The following DLG2 variants were observed in gnomAD, a reference collection of about 807,000 sequenced individuals.
DLG2 encodes discs large MAGUK scaffold protein 2.
DLG2 carries 45 observed loss-of-function variants against 132.5 expected under a neutral mutation model. The ratio of observed to expected loss-of-function variants is 0.34; its 90% CI spans 0.27 to 0.44. The LOEUF (loss-of-function observed/expected upper bound fraction) is 0.44, where lower values mean the gene tolerates loss of function less well. Ranked by LOEUF, DLG2 falls within the 20% of genes least tolerant of loss-of-function variation. The pLI, the probability that DLG2 is intolerant of heterozygous loss-of-function variation, is 1.00. For missense variants in DLG2, 1,045 were observed against 1,196.9 expected, an observed-to-expected ratio of 0.87 and a Z score of 1.87; for synonymous variants, 424 against 419.6, an observed-to-expected ratio of 1.01 and a Z score of -0.13.
At position 83,682,374 on chromosome 11, in the gene DLG2, A is replaced by G. The variant is rs898860301; in HGVS notation, c.1826-49049T>C. 2.7e-5 allele frequency: 27 copies of G among 985,282 alleles called. No individual in the cohort carries two copies. The South Asian group carries it at 1.2e-3, about 45-fold the overall frequency. 61.0% of individuals were successfully genotyped at this position (985,282 alleles called of 1,614,324 possible). A position where few individuals can be genotyped will look rare whatever the true frequency, so the allele number is the denominator to read the frequency against. ...ACATCACAGGGGGTGACCATGCAGC[A>G]TTCTCGCTCACTGGGTACATATATT... On this transcript the variant is annotated intron_variant, in intron 18 of 27. Coordinates refer to ENST00000376104, the MANE Select transcript of DLG2 (RefSeq NM_001142699.3).
intron 11 of DLG2, among the ~76,000 whole-genome samples, chr11:84,003,999 A>G (rs2094467217): frequency 6.6e-6 from 1 of 152,082 alleles, no homozygotes; most frequent in African/African-American, 2.4e-5. Flanking sequence ...TTCACTGCTG[A>G]ATTCCACCAC....
At chr11:83,850,867 T>C (rs1210919680) in intron 16 of DLG2, among the ~76,000 whole-genome samples, 2 of 152,164 alleles carry the variant, frequency 1.3e-5, no homozygotes, top group African/African-American at 4.8e-5. Flanking sequence ...TGTTGAATTT[T>C]GTGTCTCCAA....
chr11:85,599,272 G>A (rs547361), intron 2 of DLG2, among the ~76,000 whole-genome samples: 150,286 of 152,166 alleles, frequency 0.99, 74,324 homozygotes, highest in Middle Eastern at 1. Flanking sequence ...TCCTCTACAC[G>A]CATGCATGCG....
rs1299753951 is a variant in DLG2, at chr11:84,373,270, C to CAAAAAAAAAAAAAACA, written c.520-121980_520-121979insTGTTTTTTTTTTTTTT. 3.8e-4 allele frequency among the ~76,000 whole-genome samples: 17 copies of CAAAAAAAAAAAAAACA among 45,170 alleles called. 1 individual carries two copies. The highest frequency in any genetic ancestry group is 1.5e-3 in the African/African-American group (17 of 11,262). 29.6% of individuals were successfully genotyped at this position (45,170 alleles called of 152,430 possible). A position where few individuals can be genotyped will look rare whatever the true frequency, so the allele number is the denominator to read the frequency against. On this transcript the variant is annotated intron_variant, in intron 7 of 27. Transcript: ENST00000376104. ...CAGTCAAAAAAAAAAAAAAACAAAA[C>CAAAAAAAAAAAAAACA]AAAAAAAAAACCCACCAGGCCCGGC...
At chr11:85,610,944 G>A (rs1162535972) in intron 2 of DLG2, among the ~76,000 whole-genome samples, 1 of 152,158 alleles carries the variant, frequency 6.6e-6, no homozygotes, top group Non-Finnish European at 1.5e-5. Context: ...TCTAATCAAG[G>A]AGCCCCAGAG....
At chr11:85,370,330 T>G (rs1241427879) in intron 3 of DLG2, among the ~76,000 whole-genome samples, 1 of 152,338 alleles carries the variant, frequency 6.6e-6, no homozygotes, top group Non-Finnish European at 1.5e-5. Context: ...TGTAAACTTT[T>G]GCCTAGAGTT....
chr11:84,345,187 A>T (rs541516016), intron 7 of DLG2, among the ~76,000 whole-genome samples: 2 of 152,226 alleles, frequency 1.3e-5, no homozygotes, highest in Non-Finnish European at 2.9e-5. Flanking sequence ...CCCATAGATC[A>T]TCTTTCCAAA....
intron 10 of DLG2, among the ~76,000 whole-genome samples, chr11:84,073,879 G>A (rs1457444131): frequency 6.6e-6 from 1 of 152,114 alleles, no homozygotes; most frequent in African/African-American, 2.4e-5. Flanking sequence ...CAGGAAGTGT[G>A]GAGCATCTTA....
intron 7 of DLG2, among the ~76,000 whole-genome samples, chr11:84,318,840 T>C (rs905918050): frequency 6.6e-6 from 1 of 152,150 alleles, no homozygotes; most frequent in African/African-American, 2.4e-5. Context: ...TAAGCACCTT[T>C]CACACCGTCC....
At chr11:84,583,801 A>G (rs75473934) in intron 6 of DLG2, among the ~76,000 whole-genome samples, 9,357 of 152,138 alleles carry the variant, frequency 0.062, 397 homozygotes, top group African/African-American at 0.11. Context: ...TGACCTTCAT[A>G]AAAGTGTTAT....
intron 15 of DLG2, among the ~76,000 whole-genome samples, chr11:83,899,285 G>C (rs1008791697): frequency 6.6e-6 from 1 of 150,876 alleles, no homozygotes; most frequent in African/African-American, 2.5e-5. Flanking sequence ...TACTGCACTT[G>C]GATCTCTGTC....
chr11:84,050,056 A>G (rs1440126643), intron 11 of DLG2, among the ~76,000 whole-genome samples: 1 of 151,810 alleles, frequency 6.6e-6, no homozygotes, highest in Non-Finnish European at 1.5e-5. Context: ...TGGGACAATG[A>G]AGAAGAGAAG....
At chr11:84,434,918 G>GAAAAA (rs770101910) in intron 7 of DLG2, among the ~76,000 whole-genome samples, 64 of 79,018 alleles carry the variant, frequency 8.1e-4, no homozygotes, top group East Asian at 1.7e-3. Context: ...GTCACCTACT[G>GAAAAA]AAAAAAAAAA....
chr11:84,848,956 C>T (rs1241391318), intron 6 of DLG2, among the ~76,000 whole-genome samples: 2 of 152,174 alleles, frequency 1.3e-5, no homozygotes, highest in East Asian at 1.9e-4. Flanking sequence ...TAATACAGTG[C>T]CAGCTCTAGG....
chr11:85,421,737 T>C (rs554642655), intron 3 of DLG2, among the ~76,000 whole-genome samples: 38 of 152,186 alleles, frequency 2.5e-4, no homozygotes, highest in African/African-American at 8.9e-4. Context: ...GTTTTTTGTT[T>C]TTTGTTTTTG....
chr11:85,243,671 C>CA (rs1439458347), intron 4 of DLG2, among the ~76,000 whole-genome samples: 2 of 151,684 alleles, frequency 1.3e-5, no homozygotes, highest in South Asian at 4.2e-4. Context: ...AGTCATATGC[C>CA]AAAAACAAAT....
In DLG2 at chr11:83,590,529, G is replaced by C. The variant is rs867527696; in HGVS notation, c.1940+42682C>G. 1.1e-3 allele frequency among the ~76,000 whole-genome samples: 171 copies of C among 151,884 alleles called. 1 individual carries two copies. The highest frequency in any genetic ancestry group is 3.9e-3 in the African/African-American group (163 of 41,424). ...AATTTATAGCACTAAATGCCCACAA[G>C]AGAAAGCAGGAAAGATCCAAAATTG... On this transcript the variant is annotated intron_variant, in intron 19 of 27. Coordinates refer to ENST00000376104, the MANE Select transcript of DLG2 (RefSeq NM_001142699.3).
intron 3 of DLG2, among the ~76,000 whole-genome samples, chr11:85,483,909 G>T (rs924107022): frequency 2.8e-5 from 4 of 141,982 alleles, no homozygotes; most frequent in Non-Finnish European, 4.6e-5. Flanking sequence ...AAAAAAAAAA[G>T]AATAATAATA....
chr11:83,805,379 T>C (rs1437853065), intron 17 of DLG2, among the ~76,000 whole-genome samples: 1 of 151,896 alleles, frequency 6.6e-6, no homozygotes, highest in Non-Finnish European at 1.5e-5. Context: ...AATTTTTCTC[T>C]ATCATTCTGG....
Sources: gnomAD v4.1 joint callset for allele counts (sites outside exome capture counted in the v4.1 genomes callset) on GRCh38, gnomAD v4.1.1 for gene constraint, MANE v1.5 for transcripts, NCBI Gene and HGNC (gene_info 2026-07-23, HGNC 2026-07-21) for gene names.